RAPGEF6: variants seen among roughly 807,000 people sequenced by gnomAD.
The protein encoded by RAPGEF6 is PDZ domain containing guanine nucleotide exchange factor (GEF) 2.
A neutral mutation model predicts 171.4 loss-of-function variants in RAPGEF6; 56 were observed. That is an observed-to-expected ratio of 0.33 (90% CI 0.26 to 0.41). The LOEUF (loss-of-function observed/expected upper bound fraction) is 0.41. Among genes scored for constraint, RAPGEF6 ranks in the 10% least tolerant of loss-of-function variants. The pLI is 1.00. For synonymous variants in RAPGEF6, 692 were observed against 650.1 expected (o/e 1.06, Z -0.98); for missense variants, 1,674 against 1,921.4 (o/e 0.87, Z 2.41).
chr5:131,580,520 C>T (rs1762890918), intron 4 of RAPGEF6, among the ~76,000 whole-genome samples: 1 of 152,176 alleles, frequency 6.6e-6, no homozygotes. Context: ...TCAAGCGTGG[C>T]CAGAGCAGAT....
At chr5:131,470,049 A>G (rs1754638938) in intron 17 of RAPGEF6, among the ~76,000 whole-genome samples, 5 of 152,236 alleles carry the variant, frequency 3.3e-5, no homozygotes, top group Admixed American at 6.5e-5. Flanking sequence ...TATAAATTAC[A>G]TAAGAAGCTG....
rs115337423 is a variant in RAPGEF6 at position 131,524,642 on chromosome 5, G to A, written c.496-3121C>T. On this transcript the variant is annotated intron_variant, in intron 6 of 27. Transcript: ENST00000509018. ...AGAGAGAGAGAGAGAGAGAGAGAGA[G>A]ACTTGCTCTGTCACCTACGCTGGAG... 4.7e-3 allele frequency among the ~76,000 whole-genome samples: 687 copies of A among 145,010 alleles called. 5 individuals are homozygous for A. The highest frequency in any genetic ancestry group is 0.017 in the African/African-American group (650 of 37,750).
chr5:131,600,599 AG>A (rs994446353), intron 3 of RAPGEF6, among the ~76,000 whole-genome samples: 17 of 121,010 alleles, frequency 1.4e-4, no homozygotes, highest in African/African-American at 5.3e-4. Flanking sequence ...GGGGAGGGGA[AG>A]GGAGGGGAGA....
intron 6 of RAPGEF6, among the ~76,000 whole-genome samples, chr5:131,542,534 G>C (rs1760221592): frequency 6.6e-6 from 1 of 152,138 alleles, no homozygotes; most frequent in Non-Finnish European, 1.5e-5. Context: ...TATGATGGTT[G>C]ACATTTTCTA....
rs1751543744 is a variant in RAPGEF6, at chr5:131,429,078, GCCA to G, written c.4601_4603del (p.Val1534del). 1 of 1,614,030 alleles carries G rather than the reference GCCA, an allele frequency of 6.2e-7. No homozygotes were observed. Among genetic ancestry groups the G allele is most frequent in the Non-Finnish European group, 8.5e-7 (1 of 1,180,046 alleles). On this transcript the variant is annotated inframe_deletion, in exon 27 of 28. Transcript: ENST00000509018. ...ATGCATCATCTTTGACCTCTGCACT[GCCA>G]CACTATAATCTGGAGGTTTTAGGTG...
intron 6 of RAPGEF6, among the ~76,000 whole-genome samples, chr5:131,528,314 T>A (rs1468254): frequency 0.033 from 94 of 2,854 alleles, no homozygotes; most frequent in African/African-American, 0.081. Flanking sequence ...ATATTTATAT[T>A]ATATATATAT....
intron 3 of RAPGEF6, among the ~76,000 whole-genome samples, chr5:131,595,343 G>C (rs1473422946): frequency 6.6e-6 from 1 of 152,108 alleles, no homozygotes; most frequent in African/African-American, 2.4e-5. Flanking sequence ...TGCTGTGATT[G>C]TAAGTTTCCT....
intron 1 of RAPGEF6, among the ~76,000 whole-genome samples, chr5:131,614,922 G>A (rs1391672802): frequency 6.6e-6 from 1 of 152,174 alleles, no homozygotes; most frequent in Non-Finnish European, 1.5e-5. Flanking sequence ...ATTGGGTTCT[G>A]TTGCATGTAA....
intron 24 of RAPGEF6, among the ~76,000 whole-genome samples, chr5:131,438,039 G>A (rs1752127402): frequency 6.6e-6 from 1 of 151,972 alleles, no homozygotes; most frequent in South Asian, 2.1e-4. Flanking sequence ...AACTAGTTGG[G>A]GTGCAATAGC....
chr5:131,505,089 CTT>C (rs139194563), intron 10 of RAPGEF6, among the ~76,000 whole-genome samples: 9 of 143,636 alleles, frequency 6.3e-5, no homozygotes, highest in Admixed American at 1.4e-4. Flanking sequence ...TATTTCTTTC[CTT>C]TTTTTTTTTT....
intron 15 of RAPGEF6, among the ~76,000 whole-genome samples, chr5:131,480,181 C>T (rs1262587887): frequency 6.6e-6 from 1 of 152,104 alleles, no homozygotes. Flanking sequence ...CTATGTGGGT[C>T]CATTTATACT....
At position 131,426,430 on chromosome 5, in the gene RAPGEF6, A is replaced by G. The variant is rs1751395155; in HGVS notation, c.*836T>C. ...ACTTTCAGTTACAATTCGATGCAGC[A>G]TAACTTTCACTTAAGGAAGAATTTG... On this transcript the variant is annotated 3_prime_UTR_variant, in exon 28 of 28. Transcript: ENST00000509018. The G allele has an allele frequency of 1.3e-5, 2 of 152,384 alleles. No homozygotes were observed. The highest frequency in any genetic ancestry group is 4.8e-5 in the African/African-American group (2 of 41,464). 9.4% of individuals were successfully genotyped at this position (152,384 alleles called of 1,614,324 possible).
chr5:131,477,514 G>A (rs1240268603), intron 16 of RAPGEF6, among the ~76,000 whole-genome samples: 1 of 152,128 alleles, frequency 6.6e-6, no homozygotes, highest in Non-Finnish European at 1.5e-5. Flanking sequence ...TATAATGCTT[G>A]AAAATACTCA....
intron 3 of RAPGEF6, among the ~76,000 whole-genome samples, chr5:131,600,484 T>C (rs1183481947): frequency 2.7e-5 from 4 of 147,310 alleles, no homozygotes; most frequent in African/African-American, 1.0e-4. Flanking sequence ...ATCGCGCCAC[T>C]GCACTCCAAC....
chr5:131,526,281 A>G (rs1289462427), intron 6 of RAPGEF6, among the ~76,000 whole-genome samples: 3 of 152,196 alleles, frequency 2.0e-5, no homozygotes, highest in Non-Finnish European at 2.9e-5. Context: ...AGTGCCCACC[A>G]TTTGTACCAA....
chr5:131,480,686 C>T (rs1271411353), intron 15 of RAPGEF6, among the ~76,000 whole-genome samples: 1 of 152,062 alleles, frequency 6.6e-6, no homozygotes, highest in Non-Finnish European at 1.5e-5. Flanking sequence ...CCCATGTTGG[C>T]CAGACTGGTC....
At chr5:131,460,506 C>T (rs560601188) in intron 19 of RAPGEF6, among the ~76,000 whole-genome samples, 1 of 152,268 alleles carries the variant, frequency 6.6e-6, no homozygotes, top group African/African-American at 2.4e-5. Context: ...CTTGATGCTT[C>T]CTTTACAAAC....
At chr5:131,579,187 T>A (rs1293819439) in intron 4 of RAPGEF6, among the ~76,000 whole-genome samples, 6 of 152,170 alleles carry the variant, frequency 3.9e-5, no homozygotes. Context: ...CTGGAGTTGT[T>A]CATTCCTGCT....
At chr5:131,477,236 T>C (rs148159524) in intron 16 of RAPGEF6, among the ~76,000 whole-genome samples, 34 of 152,324 alleles carry the variant, frequency 2.2e-4, no homozygotes, top group Non-Finnish European at 4.4e-4. Flanking sequence ...CCCAACAAAA[T>C]AGGCTCCAGA....
Sources: gnomAD v4.1 joint callset for allele counts (sites outside exome capture counted in the v4.1 genomes callset) on GRCh38, gnomAD v4.1.1 for gene constraint, MANE v1.5 for transcripts, NCBI Gene and HGNC (gene_info 2026-07-23, HGNC 2026-07-21) for gene names.